Variants in INPP5B observed in about 807,000 individuals in gnomAD.
The protein encoded by INPP5B is inositol polyphosphate-5-phosphatase B.
Under a neutral mutation model 118.5 loss-of-function variants are expected in INPP5B, and 90 were observed. The ratio of observed to expected loss-of-function variants is 0.76; its 90% CI spans 0.64 to 0.90. The LOEUF (loss-of-function observed/expected upper bound fraction) is 0.90. INPP5B is among the 40% of genes least tolerant of loss of function. The pLI is 0.00. For synonymous variants in INPP5B, 385 were observed against 418.9 expected, an observed-to-expected ratio of 0.92 and a Z score of 0.99; for missense variants, 984 against 1,125.6, an observed-to-expected ratio of 0.87 and a Z score of 1.80.
At chr1:37,909,781 G>A (rs531059288) in intron 7 of INPP5B, among the ~76,000 whole-genome samples, 1 of 152,180 alleles carries the variant, frequency 6.6e-6, no homozygotes, top group South Asian at 2.1e-4. Flanking sequence ...ACCTTCAAGG[G>A]GTACAGTAAT....
At chr1:37,891,306 G>A in intron 8 of INPP5B, 52 bp downstream of exon 8, 2 of 1,333,328 alleles carry the variant, frequency 1.5e-6, no homozygotes, top group South Asian at 1.2e-5. Flanking sequence ...TCTCAGTACT[G>A]TGAGGAGAAC....
At chr1:37,901,011 A>C (rs1274909571) in intron 7 of INPP5B, among the ~76,000 whole-genome samples, 1 of 151,854 alleles carries the variant, frequency 6.6e-6, no homozygotes, top group East Asian at 1.9e-4. Context: ...GGGATTTCAC[A>C]ATGTTGGTCA....
Position 37,876,552 on chromosome 1 carries a change from T to TAAAA in INPP5B, c.1678-840_1678-837dup, listed in dbSNP as rs34854182. 1.4e-3 allele frequency among the ~76,000 whole-genome samples: 75 copies of TAAAA among 54,610 alleles called. 5 individuals are homozygous for TAAAA. Among genetic ancestry groups the TAAAA allele is most frequent in the African/African-American group, 4.3e-3 (48 of 11,142 alleles). The allele number at this position is 54,610 out of a possible 152,430, so 35.8% of individuals were successfully genotyped here. A position where few individuals can be genotyped will look rare whatever the true frequency, so the allele number is the denominator to read the frequency against. On this transcript the variant is annotated intron_variant, in intron 16 of 23. Transcript: ENST00000373024. ...GCAAGACAGCAAGATGCTGTCTCTT[T>TAAAA]AAAAAAAAAAAAAAAAAAAAAAAAA...
chr1:37,875,516 C>T (rs946852819), intron 17 of INPP5B, 90 bp downstream of exon 17: 1 of 905,864 alleles, frequency 1.1e-6, no homozygotes, highest in Admixed American at 1.9e-5. Context: ...GACCTGCCCA[C>T]CTTGGCCTCC....
intron 7 of INPP5B, among the ~76,000 whole-genome samples, chr1:37,927,868 A>G (rs960985924): frequency 2.0e-5 from 3 of 152,096 alleles, no homozygotes; most frequent in Non-Finnish European, 4.4e-5. Context: ...TACCAAGCTC[A>G]GCCTAACACT....
intron 5 of INPP5B, among the ~76,000 whole-genome samples, chr1:37,943,313 C>T (rs1646002394): frequency 6.6e-6 from 1 of 152,160 alleles, no homozygotes; most frequent in South Asian, 2.1e-4. Flanking sequence ...TTAACAAAGG[C>T]TGCCTGGGAA....
chr1:37,874,283 G>C (rs1642652195), intron 17 of INPP5B, 128 bp from the exon 18 acceptor site: 2 of 626,594 alleles, frequency 3.2e-6, no homozygotes, highest in Non-Finnish European at 4.9e-6. Flanking sequence ...TCTGCTTTAA[G>C]TATCTACCTG....
At chr1:37,888,729 A>T (rs61776666) in intron 9 of INPP5B, among the ~76,000 whole-genome samples, 14,556 of 152,304 alleles carry the variant, frequency 0.096, 868 homozygotes, top group Middle Eastern at 0.24. Flanking sequence ...TTTCTTCACC[A>T]TAATTCACAG....
At chr1:37,862,972 T>C (rs1641786820) in intron 23 of INPP5B, among the ~76,000 whole-genome samples, 1 of 152,130 alleles carries the variant, frequency 6.6e-6, no homozygotes, top group African/African-American at 2.4e-5. Flanking sequence ...CAGCCCTGCT[T>C]GGTGTCCTGC....
chr1:37,894,081 C>T (rs1333849318), intron 7 of INPP5B, among the ~76,000 whole-genome samples: 1 of 152,196 alleles, frequency 6.6e-6, no homozygotes, highest in Non-Finnish European at 1.5e-5. Context: ...TTTAAAGATG[C>T]TCAAATTTGA....
At position 37,891,453 on chromosome 1, in the gene INPP5B, A is replaced by G. The variant is rs1158589769; in HGVS notation, c.534T>C (p.Gly178=). The G allele has an allele frequency of 1.9e-6, 3 of 1,606,362 alleles. No homozygotes were observed. The highest frequency in any genetic ancestry group is 2.7e-5 in the African/African-American group (2 of 74,734). ...TWPGYATIGG[G]GSNFDGLRPN... ...GTCTCAAACCATCAAAGTTAGAACC[A>G]CCTAAAGGGAAGGAGAAGAAATTAA... The change falls in exon 8 of 24, where the codon GGT becomes GGC. Residue 178 remains glycine, a splice_region_variant and synonymous_variant. Transcript: ENST00000373024.
intron 7 of INPP5B, among the ~76,000 whole-genome samples, chr1:37,915,000 G>A (rs1210774994): frequency 6.6e-6 from 1 of 152,142 alleles, no homozygotes; most frequent in African/African-American, 2.4e-5. Context: ...CCTAGGAGCA[G>A]CCTACCTAGT....
At chr1:37,886,557 G>A (rs534432457) in intron 12 of INPP5B, among the ~76,000 whole-genome samples, 4 of 152,276 alleles carry the variant, frequency 2.6e-5, no homozygotes, top group African/African-American at 4.8e-5. Context: ...ATAAGAAGAG[G>A]AAATTGCAAA....
At chr1:37,908,918 G>A (rs1273663319) in intron 7 of INPP5B, among the ~76,000 whole-genome samples, 5 of 151,972 alleles carry the variant, frequency 3.3e-5, no homozygotes, top group Non-Finnish European at 5.9e-5. Flanking sequence ...CCTTCCACTC[G>A]CCATTCTCCC....
At chr1:37,867,232 T>C (rs935327149) in intron 20 of INPP5B, among the ~76,000 whole-genome samples, 3 of 152,158 alleles carry the variant, frequency 2.0e-5, no homozygotes, top group African/African-American at 4.8e-5. Flanking sequence ...TCCATCTCAA[T>C]AAAAACAGAT....
Position 37,885,808 on chromosome 1 carries a change from C to T in INPP5B, c.1149G>A (p.Val383=), listed in dbSNP as rs1319982664. The stretch of plus-strand genomic sequence containing the variant: ...TGTTGTGGAACTGGAACCTGATCGC[C>T]ACGCCTCCCTTGTTGCCCTATGGAA... ...IMGRMGNKGG[V]AIRFQFHNTS... is the part of the protein sequence containing the mutation. The change falls in exon 13 of 24, where the codon GTG becomes GTA. Residue 383 remains valine, a synonymous_variant. Transcript: ENST00000373024. 1 of 1,614,084 alleles carries T rather than the reference C, an allele frequency of 6.2e-7. No homozygotes were observed. Among genetic ancestry groups the T allele is most frequent in the Admixed American group, 1.7e-5 (1 of 60,014 alleles).
intron 7 of INPP5B, among the ~76,000 whole-genome samples, chr1:37,908,582 GAAA>G (rs758741711): frequency 8.5e-6 from 1 of 117,458 alleles, no homozygotes. Context: ...CCAGAAAAAG[GAAA>G]AAAAAAAAAA....
intron 6 of INPP5B, among the ~76,000 whole-genome samples, chr1:37,933,549 A>G (rs1361654659): frequency 6.6e-6 from 1 of 151,666 alleles, no homozygotes; most frequent in African/African-American, 2.4e-5. Flanking sequence ...CTCTGTCTCA[A>G]GAAAAAAAGA....
intron 7 of INPP5B, among the ~76,000 whole-genome samples, chr1:37,897,367 CTT>C (rs1222679606): frequency 2.7e-5 from 4 of 150,246 alleles, no homozygotes; most frequent in African/African-American, 9.8e-5. Flanking sequence ...ACATGGGAGA[CTT>C]TTCATTTTGT....
Sources: gnomAD v4.1 joint callset for allele counts (sites outside exome capture counted in the v4.1 genomes callset) on GRCh38, gnomAD v4.1.1 for gene constraint, MANE v1.5 for transcripts, NCBI Gene and HGNC (gene_info 2026-07-23, HGNC 2026-07-21) for gene names.